Variants in ADK observed in about 807,000 individuals in gnomAD.
ADK encodes N6,N6-dimethyladenosine kinase.
Under a neutral mutation model 44.7 loss-of-function variants are expected in ADK, and 24 were observed. The observed-to-expected ratio is 0.54, with a 90% CI of 0.39 to 0.76. ADK has a LOEUF of 0.76. ADK is among the 30% of genes least tolerant of loss of function. The pLI, the probability that ADK is intolerant of heterozygous loss-of-function variation, is 0.00. For synonymous variants in ADK, 128 were observed against 142.6 expected (o/e 0.90, Z 0.73); for missense variants, 321 against 425.1 (o/e 0.76, Z 2.15).
Position 74,357,865 on chromosome 10 carries a change from G to A in ADK, c.274-36276G>A, listed in dbSNP as rs530683258. Among the ~76,000 whole-genome samples the A allele has an allele frequency of 9.2e-5, 14 of 152,222 alleles. No individual in the cohort carries two copies. In the South Asian group the frequency reaches 2.1e-3, roughly 23 times the overall value. On this transcript the variant is annotated intron_variant, in intron 4 of 10. Transcript: ENST00000539909. ...TAAAAAAAAGTTATAGATTGAGGCT[G>A]GGATATCTGGTGGCGAAATTATATT... is the stretch of plus-strand genomic sequence containing the variant.
chr10:74,633,317 T>A (rs999152704), intron 9 of ADK, among the ~76,000 whole-genome samples: 6 of 152,222 alleles, frequency 3.9e-5, no homozygotes, highest in Admixed American at 2.6e-4. Context: ...TATAGCTGTA[T>A]AATATTTCAT....
intron 7 of ADK, among the ~76,000 whole-genome samples, chr10:74,532,902 A>G (rs970628075): frequency 4.5e-5 from 6 of 133,334 alleles, no homozygotes; most frequent in African/African-American, 1.7e-4. Context: ...TCTGGGCGAC[A>G]GAGCAAGACT....
intron 4 of ADK, chr10:74,344,608 TG>T: frequency 4.0e-6 from 1 of 250,646 alleles, no homozygotes; most frequent in Middle Eastern, 1.9e-3. Context: ...ATTACATTCC[TG>T]AAGTCTCATG....
intron 4 of ADK, among the ~76,000 whole-genome samples, 164 bp downstream of exon 4, chr10:74,314,909 T>A (rs1483041350): frequency 6.6e-6 from 1 of 152,138 alleles, no homozygotes; most frequent in East Asian, 1.9e-4. Context: ...TTATTTTAAT[T>A]GGTATTTCTT....
intron 2 of ADK, among the ~76,000 whole-genome samples, chr10:74,208,861 C>T (rs994208865): frequency 6.6e-5 from 10 of 152,014 alleles, no homozygotes; most frequent in Admixed American, 5.2e-4. Context: ...CTCAGCTTCC[C>T]GAGTAGCTGG....
intron 6 of ADK, among the ~76,000 whole-genome samples, chr10:74,499,819 A>G (rs1482704516): frequency 6.6e-6 from 1 of 152,120 alleles, no homozygotes; most frequent in East Asian, 1.9e-4. Context: ...TCTGCCATGT[A>G]TTTCTTTTTC....
chr10:74,454,600 T>C (rs537100326), intron 6 of ADK, among the ~76,000 whole-genome samples: 1 of 152,076 alleles, frequency 6.6e-6, no homozygotes, highest in Non-Finnish European at 1.5e-5. Flanking sequence ...GGAAAAAAAA[T>C]ATCTTTCCCT....
intron 1 of ADK, among the ~76,000 whole-genome samples, chr10:74,199,220 T>C (rs1429395564): frequency 6.6e-6 from 1 of 152,124 alleles, no homozygotes; most frequent in Non-Finnish European, 1.5e-5. Context: ...GGGGAGTGCA[T>C]GTGCAGGTTT....
At chr10:74,301,880 C>T (rs915693398) in intron 3 of ADK, among the ~76,000 whole-genome samples, 3 of 151,820 alleles carry the variant, frequency 2.0e-5, no homozygotes, top group African/African-American at 7.3e-5. Context: ...TAAAAATACT[C>T]AAATTTAGAA....
At chr10:74,584,034 C>A (rs1033740077) in intron 7 of ADK, among the ~76,000 whole-genome samples, 1 of 152,166 alleles carries the variant, frequency 6.6e-6, no homozygotes, top group African/African-American at 2.4e-5. Context: ...ACAAAACATA[C>A]CATCACTTTT....
chr10:74,574,420 C>T (rs1851106903), intron 7 of ADK, among the ~76,000 whole-genome samples: 1 of 152,130 alleles, frequency 6.6e-6, no homozygotes, highest in Non-Finnish European at 1.5e-5. Flanking sequence ...CTGCCTGCCT[C>T]AGCCTCCCAA....
chr10:74,571,938 G>A (rs1850981921), intron 7 of ADK, among the ~76,000 whole-genome samples: 1 of 152,134 alleles, frequency 6.6e-6, no homozygotes, highest in Non-Finnish European at 1.5e-5. Context: ...GCACACTGAT[G>A]GGTCTTGACT....
chr10:74,394,684 C>CGA lies in ADK; in HGVS notation c.446+382_446+383dup, dbSNP rs368668478. On this transcript the variant is annotated intron_variant, in intron 5 of 10. Transcript: ENST00000539909. ...TTCACCATATCCTGAGGTTGGAATA[C>CGA]GAGAGAGAGAGACAGAGAGACAGAG... Among the ~76,000 whole-genome samples, 263 of 151,766 alleles carry CGA rather than the reference C, an allele frequency of 1.7e-3. 1 individual carries two copies. The highest frequency in any genetic ancestry group is 3.7e-3 in the African/African-American group (152 of 41,430).
intron 4 of ADK, among the ~76,000 whole-genome samples, chr10:74,318,220 G>T (rs1840693562): frequency 6.6e-6 from 1 of 152,106 alleles, no homozygotes; most frequent in African/African-American, 2.4e-5. Flanking sequence ...GGAATGTAGT[G>T]GTGTGATCAT....
intron 6 of ADK, among the ~76,000 whole-genome samples, chr10:74,409,259 A>T (rs1398847498): frequency 6.6e-6 from 1 of 152,190 alleles, no homozygotes; most frequent in Non-Finnish European, 1.5e-5. Flanking sequence ...AGTTTGAAAT[A>T]ACACTGTGAA....
chr10:74,425,529 A>T (rs1274546887), intron 6 of ADK, among the ~76,000 whole-genome samples: 1 of 152,088 alleles, frequency 6.6e-6, no homozygotes, highest in Non-Finnish European at 1.5e-5. Context: ...AAAAAAAAAA[A>T]TCCTAATTTC....
intron 3 of ADK, among the ~76,000 whole-genome samples, chr10:74,260,520 G>T (rs1206306370): frequency 1.3e-5 from 2 of 152,128 alleles, no homozygotes; most frequent in Non-Finnish European, 2.9e-5. Flanking sequence ...GCCTTGGCCT[G>T]TGATTATAGG....
intron 6 of ADK, chr10:74,423,603 A>G (rs1844654771): frequency 1.4e-5 from 4 of 295,916 alleles, no homozygotes; most frequent in East Asian, 1.0e-4. Context: ...TCCATAGTCA[A>G]CTGTCGTCGT....
chr10:74,177,836 G>A (rs1029538409), intron 1 of ADK, among the ~76,000 whole-genome samples: 2 of 151,446 alleles, frequency 1.3e-5, no homozygotes, highest in South Asian at 4.2e-4. Flanking sequence ...TTACTACATT[G>A]TGTTTAAGAG....
Sources: allele counts gnomAD v4.1 joint callset (sites outside exome capture counted in the v4.1 genomes callset), GRCh38; gene constraint gnomAD v4.1.1; transcripts MANE v1.5; gene names NCBI Gene and HGNC (gene_info 2026-07-23, HGNC 2026-07-21).